Variants in PTCHD4 observed in about 807,000 individuals in gnomAD.
PTCHD4 encodes the protein patched domain-containing protein 4.
Under a neutral mutation model 58.1 loss-of-function variants are expected in PTCHD4, and 33 were observed. The observed-to-expected ratio is 0.57, with a 90% CI of 0.43 to 0.76. PTCHD4 has a LOEUF of 0.76. Ranked by LOEUF, PTCHD4 falls within the 30% of genes least tolerant of loss-of-function variation. The pLI is 0.00. For synonymous variants in PTCHD4, 478 were observed against 409.6 expected (o/e 1.17, Z -2.02); for missense variants, 1,058 against 1,027.1 (o/e 1.03, Z -0.41).
chr6:48,007,936 G>GCGCGCA (rs935818683), intron 4 of PTCHD4, among the ~76,000 whole-genome samples: 6 of 150,354 alleles, frequency 4.0e-5, no homozygotes, highest in African/African-American at 1.5e-4. Context: ...GTGCGCGCGC[G>GCGCGCA]CACACACACA....
chr6:48,063,229 T>C (rs748562467), intron 3 of PTCHD4, among the ~76,000 whole-genome samples: 1 of 152,128 alleles, frequency 6.6e-6, no homozygotes, highest in Admixed American at 6.5e-5. Flanking sequence ...GAAAATGATA[T>C]TAAAGATGAA....
At chr6:47,888,631 TTTTG>T (rs200474112) in intron 4 of PTCHD4, among the ~76,000 whole-genome samples, 5,492 of 152,232 alleles carry the variant, frequency 0.036, 156 homozygotes, top group Non-Finnish European at 0.048. Flanking sequence ...TTTTGTAGTT[TTTTG>T]TTTGTTTGTT....
intron 3 of PTCHD4, among the ~76,000 whole-genome samples, chr6:48,047,625 G>A (rs1163093533): frequency 1.3e-5 from 2 of 151,830 alleles, no homozygotes; most frequent in East Asian, 1.9e-4. Context: ...AATCCCCAAT[G>A]TGATGCTATT....
chr6:47,989,009 T>C (rs1768183550), intron 4 of PTCHD4, among the ~76,000 whole-genome samples: 1 of 152,226 alleles, frequency 6.6e-6, no homozygotes, highest in Non-Finnish European at 1.5e-5. Context: ...TGAATGGTTT[T>C]TCCCAAAAGC....
At position 48,068,748 on chromosome 6, in the gene PTCHD4, C is replaced by T. The variant is rs1764898304; in HGVS notation, c.6-107G>A. The T allele has an allele frequency of 9.1e-7, 1 of 1,095,938 alleles. No homozygotes were observed. The highest frequency in any genetic ancestry group is 1.6e-5 in the African/African-American group (1 of 63,202). 67.9% of individuals were successfully genotyped at this position (1,095,938 alleles called of 1,614,324 possible). On this transcript the variant is annotated intron_variant, in intron 2 of 4. Coordinates refer to ENST00000339488, the MANE Select transcript of PTCHD4 (RefSeq NM_001384253.1). This position sits in a 1 kb window ranked among gnomAD's most constrained non-coding sequence, Gnocchi z 4.2. ...CCCACCGCCGCCGCCTCCCCACCCA[C>T]TCCGCGCTCACCCCACAACCACTCC...
intron 4 of PTCHD4, among the ~76,000 whole-genome samples, chr6:47,974,390 T>C (rs1767618851): frequency 6.6e-6 from 1 of 152,156 alleles, no homozygotes; most frequent in African/African-American, 2.4e-5. Flanking sequence ...CTAGAAGTGT[T>C]TTAAGAGTTC....
Position 48,068,451 on chromosome 6 carries a change from C to T in PTCHD4, c.196G>A (p.Asp66Asn). The T allele has an allele frequency of 4.3e-6, 7 of 1,613,792 alleles. No homozygotes were observed. The highest frequency in any genetic ancestry group is 5.9e-6 in the Non-Finnish European group (7 of 1,179,854). ...CTGGGAGCGACCAGGCGCTCCAGGTCGCCCTCGGGCTGGAAGCGGTTGAGC... is the reference window on the plus strand; with the variant it reads ...CTGGGAGCGACCAGGCGCTCCAGGTTGCCCTCGGGCTGGAAGCGGTTGAGC... The part of the protein sequence containing the change: ...SALNRFQPEG[D>N]LERLVAPSHS... Residue 66 changes from aspartate to asparagine, a missense_variant, in exon 3 of 5, where the codon GAC (aspartate) becomes AAC (asparagine). By Grantham distance (23) the Asp-to-Asn change is conservative. Transcript: ENST00000339488. The surrounding 1 kb of genome is among the most constrained non-coding windows in gnomAD (Gnocchi z 4.2).
chr6:47,968,679 A>AT lies in PTCHD4; in HGVS notation c.898+39954dup, dbSNP rs919815809. On this transcript the variant is annotated intron_variant, in intron 4 of 4. Coordinates refer to ENST00000339488, the MANE Select transcript of PTCHD4 (RefSeq NM_001384253.1). The stretch of plus-strand genomic sequence containing the variant: ...TAGTTTGAAAACAGTCTCAAATAGT[A>AT]TTTTTTTAAAAATAATTTTGAGATG... Among the ~76,000 whole-genome samples, 65 of 152,138 alleles carry AT rather than the reference A, an allele frequency of 4.3e-4. 1 individual carries two copies. Among genetic ancestry groups the AT allele is most frequent in the Non-Finnish European group, 2.4e-4 (16 of 67,994 alleles).
At chr6:47,927,510 T>A (rs895070169) in intron 4 of PTCHD4, among the ~76,000 whole-genome samples, 3 of 152,168 alleles carry the variant, frequency 2.0e-5, no homozygotes, top group Non-Finnish European at 4.4e-5. Flanking sequence ...AACAATGACC[T>A]TTTAATCTAA....
intron 3 of PTCHD4, 82 bp from the exon 4 acceptor site, chr6:48,009,196 A>G (rs1395405619): frequency 2.9e-6 from 4 of 1,393,762 alleles, no homozygotes; most frequent in Non-Finnish European, 3.8e-6. Context: ...AAGGAGCACA[A>G]GGAAGGCAGA....
intron 1 of PTCHD4, among the ~76,000 whole-genome samples, chr6:48,084,074 G>A (rs544910677): frequency 6.6e-6 from 1 of 151,890 alleles, no homozygotes; most frequent in South Asian, 2.1e-4. Context: ...TTCGAATTTA[G>A]CGTTCTCAAC....
At chr6:47,893,980 G>A (rs372164693) in intron 4 of PTCHD4, among the ~76,000 whole-genome samples, 16 of 152,310 alleles carry the variant, frequency 1.1e-4, no homozygotes, top group African/African-American at 3.1e-4. Flanking sequence ...TTGGTAGGGT[G>A]AAGCTGAAAA....
At chr6:47,967,022 T>A (rs553534657) in intron 4 of PTCHD4, among the ~76,000 whole-genome samples, 7 of 152,328 alleles carry the variant, frequency 4.6e-5, no homozygotes, top group African/African-American at 1.7e-4. Context: ...TCTAGAATGG[T>A]GAATCCTTTC....
intron 4 of PTCHD4, among the ~76,000 whole-genome samples, chr6:47,963,638 A>C (rs1259634449): frequency 6.6e-6 from 1 of 152,158 alleles, no homozygotes; most frequent in Non-Finnish European, 1.5e-5. Flanking sequence ...ATACACAATG[A>C]TATACTATTC....
chr6:47,883,281 T>G (rs561604652), intron 4 of PTCHD4, among the ~76,000 whole-genome samples: 1 of 152,092 alleles, frequency 6.6e-6, no homozygotes, highest in Non-Finnish European at 1.5e-5. Context: ...CTAATGCAAC[T>G]GCTTTAAAAA....
chr6:47,961,614 A>C (rs933524591), intron 4 of PTCHD4, among the ~76,000 whole-genome samples: 6 of 152,144 alleles, frequency 3.9e-5, no homozygotes, highest in Admixed American at 3.9e-4. Flanking sequence ...ATTTCAATGT[A>C]AAGAATACTA....
chr6:47,996,051 G>T (rs530275981), intron 4 of PTCHD4, among the ~76,000 whole-genome samples: 323 of 152,236 alleles, frequency 2.1e-3, no homozygotes, highest in African/African-American at 7.5e-3. Context: ...TGTCACAGGG[G>T]TTTGTTGTAA....
At chr6:47,901,843 T>C (rs558643022) in intron 4 of PTCHD4, 383 of 1,298,292 alleles carry the variant, frequency 3.0e-4, no homozygotes, top group Non-Finnish European at 3.6e-4. Flanking sequence ...TGTGATATTT[T>C]TCTCCTCTCC....
chr6:47,920,045 A>G (rs73477528), intron 4 of PTCHD4, among the ~76,000 whole-genome samples: 9,111 of 152,168 alleles, frequency 0.06, 287 homozygotes, highest in Middle Eastern at 0.082. Flanking sequence ...GAATGACTGT[A>G]TGGAGCAGAG....
Sources: gnomAD v4.1 joint callset for allele counts (sites outside exome capture counted in the v4.1 genomes callset) on GRCh38, gnomAD v4.1.1 for gene constraint, Gnocchi (gnomAD v3.1) non-coding constraint, MANE v1.5 for transcripts, NCBI Gene and HGNC (gene_info 2026-07-23, HGNC 2026-07-21) for gene names.